Variants in ZNF385D observed in about 807,000 individuals in gnomAD.
The protein encoded by ZNF385D is zinc finger protein 659.
Under a neutral mutation model 35.8 loss-of-function variants are expected in ZNF385D, and 15 were observed. The observed-to-expected ratio is 0.42, with a 90% CI of 0.28 to 0.64. ZNF385D has a LOEUF of 0.64. Among genes scored for constraint, ZNF385D ranks in the 30% least tolerant of loss-of-function variants. The pLI is 0.23. For synonymous variants in ZNF385D, 212 were observed against 186.8 expected (o/e 1.13, Z -1.10); for missense variants, 474 against 494.6 (o/e 0.96, Z 0.39).
chr3:22,226,196 T>TAA (rs55676036), intron 2 of ZNF385D, among the ~76,000 whole-genome samples: 1 of 152,154 alleles, frequency 6.6e-6, no homozygotes, highest in Non-Finnish European at 1.5e-5. Context: ...TGATCCTATA[T>TAA]AAAAAATATC....
At chr3:21,575,159 G>C (rs557149684) in intron 2 of ZNF385D, among the ~76,000 whole-genome samples, 52 of 152,240 alleles carry the variant, frequency 3.4e-4, no homozygotes, top group African/African-American at 1.1e-3. Context: ...TCATGAATGA[G>C]TCAAAATAAT....
chr3:22,343,937 A>T (rs372177289), intron 2 of ZNF385D, among the ~76,000 whole-genome samples: 6 of 152,288 alleles, frequency 3.9e-5, no homozygotes, highest in South Asian at 4.2e-4. Context: ...CCATTAAAAA[A>T]AATGAACAAG....
chr3:21,435,041 A>G (rs1289036426), intron 5 of ZNF385D, among the ~76,000 whole-genome samples: 1 of 152,124 alleles, frequency 6.6e-6, no homozygotes, highest in East Asian at 1.9e-4. Flanking sequence ...TCCAAAAACT[A>G]CAGCTTCCCA....
intron 3 of ZNF385D, among the ~76,000 whole-genome samples, chr3:22,069,080 G>C (rs1038080272): frequency 6.6e-6 from 1 of 152,156 alleles, no homozygotes; most frequent in African/African-American, 2.4e-5. Context: ...CTAGTAAAAG[G>C]ATATAAAGAT....
intron 3 of ZNF385D, among the ~76,000 whole-genome samples, chr3:21,865,026 C>T: frequency 5.3e-5 from 3 of 56,440 alleles, no homozygotes; most frequent in African/African-American, 1.5e-4. Flanking sequence ...AGCAATTACT[C>T]TGTGGGGTAC....
In ZNF385D at chr3:21,724,403, C is replaced by G. The variant is rs2068666117; in HGVS notation, c.22+26492G>C. Among the ~76,000 whole-genome samples the G allele has an allele frequency of 1.4e-5, 2 of 142,446 alleles. 1 individual carries two copies. Among genetic ancestry groups the G allele is most frequent in the South Asian group, 4.6e-4 (2 of 4,382 alleles). 93.5% of individuals were successfully genotyped at this position (142,446 alleles called of 152,430 possible). ...CATCAATGTGCTGTATTCAGGAGAC[C>G]CATCTCATATGCAAAGACACACATA... On this transcript the variant is annotated intron_variant, in intron 1 of 7. Coordinates refer to ENST00000281523, the MANE Select transcript of ZNF385D (RefSeq NM_024697.3).
intron 3 of ZNF385D, among the ~76,000 whole-genome samples, chr3:21,908,093 T>C (rs1170762894): frequency 6.6e-6 from 1 of 151,488 alleles, no homozygotes; most frequent in Non-Finnish European, 1.5e-5. Flanking sequence ...TTATTTTCTC[T>C]CTATATCTAT....
chr3:22,099,428 G>A (rs1238311896), intron 3 of ZNF385D, among the ~76,000 whole-genome samples: 1 of 152,052 alleles, frequency 6.6e-6, no homozygotes, highest in Non-Finnish European at 1.5e-5. Flanking sequence ...ACATTGTAGT[G>A]ACAGCGGTCA....
chr3:22,194,103 A>G (rs1017533806), intron 2 of ZNF385D, among the ~76,000 whole-genome samples: 11 of 151,978 alleles, frequency 7.2e-5, no homozygotes, highest in African/African-American at 2.4e-4. Context: ...CACATGCATG[A>G]ATGGTAACAC....
intron 2 of ZNF385D, among the ~76,000 whole-genome samples, chr3:22,181,535 A>C (rs1695271908): frequency 1.3e-5 from 2 of 151,972 alleles, no homozygotes; most frequent in Non-Finnish European, 2.9e-5. Flanking sequence ...TCTCTACTAA[A>C]CACACACACA....
At chr3:22,230,064 GCCCAGTAAAAATCCTTGTTAGT>G in intron 2 of ZNF385D, among the ~76,000 whole-genome samples, 1 of 152,260 alleles carries the variant, frequency 6.6e-6, no homozygotes, top group East Asian at 1.9e-4. Flanking sequence ...AATCTTCTGT[GCCCAGTAAAAATCCTTGTTAGT>G]CCTGAGGGAC....
At chr3:21,958,887 G>C (rs1702430996) in intron 3 of ZNF385D, 1 of 152,010 alleles carries the variant, frequency 6.6e-6, no homozygotes, top group Non-Finnish European at 1.5e-5. Context: ...AGAAATCATT[G>C]AAGATAAATG....
At chr3:21,651,181 G>T (rs556277522) in intron 2 of ZNF385D, among the ~76,000 whole-genome samples, 1 of 150,340 alleles carries the variant, frequency 6.7e-6, no homozygotes, top group South Asian at 2.1e-4. Context: ...CCAGCTACTC[G>T]GGAGGCTGAA....
intron 3 of ZNF385D, among the ~76,000 whole-genome samples, chr3:22,132,207 A>C (rs1703841157): frequency 6.6e-6 from 1 of 152,150 alleles, no homozygotes; most frequent in South Asian, 2.1e-4. Flanking sequence ...CAAGGGTAGA[A>C]CCCTAATGAA....
chr3:21,671,457 G>C (rs570739864), intron 1 of ZNF385D, among the ~76,000 whole-genome samples: 41 of 152,176 alleles, frequency 2.7e-4, no homozygotes, highest in African/African-American at 9.6e-4. Context: ...TCATTAATTG[G>C]CATGGATTAG....
intron 2 of ZNF385D, among the ~76,000 whole-genome samples, chr3:22,296,561 G>A (rs574210144): frequency 1.2e-4 from 18 of 152,240 alleles, no homozygotes; most frequent in Admixed American, 9.8e-4. Context: ...TGAAAGGAAA[G>A]GAGGTAGGAA....
intron 2 of ZNF385D, among the ~76,000 whole-genome samples, chr3:22,264,197 T>TGCC (rs1700779628): frequency 6.6e-6 from 1 of 152,028 alleles, no homozygotes; most frequent in African/African-American, 2.4e-5. Flanking sequence ...AGAAATTCAG[T>TGCC]AAGTATGTGA....
At chr3:21,828,273 T>C (rs1392041405) in intron 3 of ZNF385D, among the ~76,000 whole-genome samples, 1 of 152,224 alleles carries the variant, frequency 6.6e-6, no homozygotes, top group African/African-American at 2.4e-5. Flanking sequence ...TATATTCATT[T>C]TGAACAGGAA....
At chr3:21,619,351 A>T (rs1263515950) in intron 2 of ZNF385D, among the ~76,000 whole-genome samples, 1 of 152,016 alleles carries the variant, frequency 6.6e-6, no homozygotes, top group African/African-American at 2.4e-5. Flanking sequence ...CCTGATCACT[A>T]ACAAACAGTA....
Sources: allele counts gnomAD v4.1 joint callset (sites outside exome capture counted in the v4.1 genomes callset), GRCh38; gene constraint gnomAD v4.1.1; transcripts MANE v1.5; gene names NCBI Gene and HGNC (gene_info 2026-07-23, HGNC 2026-07-21).